KLHDC4: variants seen among roughly 807,000 people sequenced by gnomAD.
KLHDC4 encodes kelch domain-containing protein 4.
A neutral mutation model predicts 62.4 loss-of-function variants in KLHDC4; 90 were observed. The ratio of observed to expected loss-of-function variants is 1.44; its 90% CI spans 1.22 to 1.72. KLHDC4 has a LOEUF of 1.72. KLHDC4 is among the 40% of genes most tolerant of loss of function. The pLI, the probability that KLHDC4 is intolerant of heterozygous loss-of-function variation, is 0.00. For synonymous variants in KLHDC4, 386 were observed against 284.4 expected, an observed-to-expected ratio of 1.36 and a Z score of -3.59; for missense variants, 1,025 against 699.7, an observed-to-expected ratio of 1.47 and a Z score of -5.25.
chr16:87,736,919 G>A (rs1056011923), intron 5 of KLHDC4, among the ~76,000 whole-genome samples: 3 of 151,842 alleles, frequency 2.0e-5, no homozygotes, highest in Non-Finnish European at 4.4e-5. Context: ...GAGGTCAGGA[G>A]TTCGAGACCA....
At position 87,709,612 on chromosome 16, in the gene KLHDC4, C is replaced by T; in HGVS notation, c.1100G>A (p.Gly367Asp). 2 of 1,610,202 alleles carry T rather than the reference C, an allele frequency of 1.2e-6. No homozygotes were observed. The highest frequency in any genetic ancestry group is 1.1e-5 in the South Asian group (1 of 90,696). Residue 367 changes from glycine to aspartate, a missense_variant, in exon 10 of 12, where the codon GGT becomes GAT. Coordinates refer to ENST00000270583, the MANE Select transcript of KLHDC4 (RefSeq NM_017566.4). ...RRRGRKEEPE[G>D]GSRPACGGAG... ...TCCCCCACACGCCGGCCTGCTACCACCTTCGGGCTCCTCTTTTCTGCCCCG... is the reference window on the plus strand; with the variant it reads ...TCCCCCACACGCCGGCCTGCTACCATCTTCGGGCTCCTCTTTTCTGCCCCG...
chr16:87,757,247 A>T (rs1426923267), intron 2 of KLHDC4: 1 of 152,158 alleles, frequency 6.6e-6, no homozygotes, highest in East Asian at 2.0e-4. Flanking sequence ...AGGCAGGCAG[A>T]TCACGAGGTG....
intron 5 of KLHDC4, among the ~76,000 whole-genome samples, chr16:87,746,991 T>C (rs1018503740): frequency 3.9e-5 from 6 of 152,108 alleles, no homozygotes; most frequent in Admixed American, 3.9e-4. Flanking sequence ...GCACACGAGG[T>C]AGGGGCTGCC....
intron 3 of KLHDC4, chr16:87,756,149 G>A (rs2044851370): frequency 5.7e-6 from 2 of 349,320 alleles, no homozygotes; most frequent in Non-Finnish European, 1.1e-5. Context: ...CGCCCGCCAA[G>A]AGTGATGACG....
rs2143003348 is a variant in KLHDC4, at chr16:87,730,656, T to C, written c.507-12A>G. On this transcript the variant is annotated splice_polypyrimidine_tract_variant and intron_variant, in intron 5 of 11. Transcript: ENST00000270583. Reference sequence around the variant, plus strand: ...GACCGCCTGTTGATCTAAAATGAAATAAACAAAAAGACACTATCAACCTGC... The same window carrying C: ...GACCGCCTGTTGATCTAAAATGAAACAAACAAAAAGACACTATCAACCTGC... 6.2e-7 allele frequency: 1 copy of C among 1,608,492 alleles called. No homozygotes were observed. The highest frequency in any genetic ancestry group is 8.5e-7 in the Non-Finnish European group (1 of 1,177,426).
intron 7 of KLHDC4, among the ~76,000 whole-genome samples, chr16:87,718,298 TCTCCCTCCCCCTCTCCCTCCCC>T (rs2037418990): frequency 1.0e-5 from 1 of 98,548 alleles, no homozygotes; most frequent in African/African-American, 4.2e-5. Context: ...TCCCTCTCCC[TCTCCCTCCCCCTCTCCCTCCCC>T]CTCCCTCTCC....
intron 5 of KLHDC4, among the ~76,000 whole-genome samples, chr16:87,745,945 C>A (rs1043141770): frequency 2.0e-5 from 3 of 152,114 alleles, no homozygotes; most frequent in African/African-American, 7.2e-5. Flanking sequence ...GTAACCGAAT[C>A]CTGCTGAGCA....
chr16:87,723,623 C>A (rs920669688), intron 7 of KLHDC4, among the ~76,000 whole-genome samples: 1 of 152,266 alleles, frequency 6.6e-6, no homozygotes, highest in Admixed American at 6.5e-5. Context: ...GGGTGATTTT[C>A]TCTGTGCAGA....
At chr16:87,714,807 A>G (rs1005555028) in intron 7 of KLHDC4, among the ~76,000 whole-genome samples, 1 of 152,194 alleles carries the variant, frequency 6.6e-6, no homozygotes, top group Non-Finnish European at 1.5e-5. Context: ...GCGATCACAC[A>G]GTACACTAGA....
chr16:87,738,683 C>G (rs1421592986), intron 5 of KLHDC4, among the ~76,000 whole-genome samples: 2 of 125,624 alleles, frequency 1.6e-5, no homozygotes, highest in Admixed American at 7.9e-5. Flanking sequence ...ACACCAGCAC[C>G]TCATCCATCC....
At chr16:87,718,827 C>G (rs2037629073) in intron 7 of KLHDC4, among the ~76,000 whole-genome samples, 1 of 151,626 alleles carries the variant, frequency 6.6e-6, no homozygotes, top group African/African-American at 2.4e-5. Context: ...GGGAGTGCCT[C>G]TGCCCCGCCG....
chr16:87,735,872 C>T (rs1474182177), intron 5 of KLHDC4, among the ~76,000 whole-genome samples: 4 of 152,214 alleles, frequency 2.6e-5, no homozygotes. Context: ...GGCAGTGTCA[C>T]CACCAGGCCC....
At chr16:87,727,492 G>C (rs1219071250) in intron 6 of KLHDC4, among the ~76,000 whole-genome samples, 1 of 152,172 alleles carries the variant, frequency 6.6e-6, no homozygotes. Flanking sequence ...GGGCGCTCCA[G>C]GGAAACTGAA....
intron 7 of KLHDC4, among the ~76,000 whole-genome samples, chr16:87,717,355 A>G (rs746442282): frequency 6.6e-6 from 1 of 152,242 alleles, no homozygotes; most frequent in Non-Finnish European, 1.5e-5. Context: ...TATTTTTCTT[A>G]TAGCTAACAT....
intron 2 of KLHDC4, among the ~76,000 whole-genome samples, chr16:87,760,963 G>T (rs908802049): frequency 6.6e-6 from 1 of 152,078 alleles, no homozygotes; most frequent in African/African-American, 2.4e-5. Context: ...AACCTGGGAG[G>T]CAGAGGTTGT....
At chr16:87,727,658 C>T (rs1240615194) in intron 6 of KLHDC4, among the ~76,000 whole-genome samples, 1 of 152,170 alleles carries the variant, frequency 6.6e-6, no homozygotes, top group African/African-American at 2.4e-5. Flanking sequence ...CGGAGGCGCA[C>T]CCAGAAAGTC....
At chr16:87,713,614 G>C (rs1162538528) in intron 8 of KLHDC4, among the ~76,000 whole-genome samples, 2 of 152,058 alleles carry the variant, frequency 1.3e-5, no homozygotes, top group African/African-American at 2.4e-5. Context: ...TCAGAGGTCT[G>C]TGAGAACTGA....
chr16:87,717,202 G>C (rs4843261), intron 7 of KLHDC4, among the ~76,000 whole-genome samples: 8,360 of 152,320 alleles, frequency 0.055, 296 homozygotes, highest in South Asian at 0.16. Flanking sequence ...CTGCACTCCA[G>C]CCTGGACGAC....
chr16:87,728,024 A>G (rs940742929), intron 6 of KLHDC4, among the ~76,000 whole-genome samples: 2 of 152,164 alleles, frequency 1.3e-5, no homozygotes, highest in Admixed American at 1.3e-4. Flanking sequence ...TGTCTCTACT[A>G]AAAACACAAA....
Sources: gnomAD v4.1 joint callset for allele counts (sites outside exome capture counted in the v4.1 genomes callset) on GRCh38, gnomAD v4.1.1 for gene constraint, MANE v1.5 for transcripts, NCBI Gene and HGNC (gene_info 2026-07-23, HGNC 2026-07-21) for gene names.